The following PXDNL variants were observed in gnomAD, a reference collection of about 807,000 sequenced individuals.
The protein encoded by PXDNL is probable oxidoreductase PXDNL.
Under a neutral mutation model 150.8 loss-of-function variants are expected in PXDNL, and 145 were observed. The observed-to-expected ratio is 0.96, with a 90% CI of 0.84 to 1.10. The LOEUF is 1.10. Ranked by LOEUF, PXDNL falls within the 50% of genes least tolerant of loss-of-function variation. The pLI is 0.00. For synonymous variants in PXDNL, 757 were observed against 725.7 expected, an observed-to-expected ratio of 1.04 and a Z score of -0.69; for missense variants, 2,087 against 1,873.9, an observed-to-expected ratio of 1.11 and a Z score of -2.10.
At chr8:51,473,201 A>G (rs552380159) in intron 7 of PXDNL, among the ~76,000 whole-genome samples, 1 of 151,738 alleles carries the variant, frequency 6.6e-6, no homozygotes, top group Admixed American at 6.6e-5. Context: ...AGGACTAGTG[A>G]TGAAGCAGTG....
chr8:51,711,963 A>G (rs1359593127), intron 1 of PXDNL, among the ~76,000 whole-genome samples: 1 of 152,240 alleles, frequency 6.6e-6, no homozygotes, highest in African/African-American at 2.4e-5. Flanking sequence ...GCCAAAGAAG[A>G]AGTTTTACTC....
At position 51,688,885 on chromosome 8, in the gene PXDNL, C is replaced by T. The variant is rs117031406; in HGVS notation, c.165-34125G>A. ...GTGGATTAGATCTCCAGGAACAGCA[C>T]CATCTTTATCCTTGAGCAGAAATCC... On this transcript the variant is annotated intron_variant, in intron 1 of 22. Coordinates refer to ENST00000356297, the MANE Select transcript of PXDNL (RefSeq NM_144651.5). Among the ~76,000 whole-genome samples the T allele has an allele frequency of 3.0e-3, 459 of 152,366 alleles. 1 individual carries two copies. Among genetic ancestry groups the T allele is most frequent in the Admixed American group, 6.3e-3 (97 of 15,304 alleles).
chr8:51,461,555 A>C (rs1374086091), intron 8 of PXDNL, among the ~76,000 whole-genome samples: 1 of 152,226 alleles, frequency 6.6e-6, no homozygotes, highest in African/African-American at 2.4e-5. Flanking sequence ...TGCATAGCCA[A>C]AACAACTCCA....
chr8:51,319,906 G>A lies in PXDNL; in HGVS notation c.4377C>T (p.Ser1459=). 2 of 1,542,164 alleles carry A rather than the reference G, an allele frequency of 1.3e-6. No individual in the cohort carries two copies. Among genetic ancestry groups the A allele is most frequent in the Non-Finnish European group, 1.7e-6 (2 of 1,147,406 alleles). The change falls in exon 23 of 23, where the codon TCC becomes TCT. Residue 1459 remains serine (S), a synonymous_variant. Coordinates refer to ENST00000356297, the MANE Select transcript of PXDNL (RefSeq NM_144651.5). The part of the protein sequence containing the change: ...VCRDRGMPSD[S]PEKR ...AAAACTTTTATTAGCGCTTCTCTGG[G>A]GAATCACTTGGCATTCCTCGGTCTC... is the stretch of plus-strand genomic sequence containing the variant.
chr8:51,629,395 GA>G (rs1814440541), intron 2 of PXDNL, among the ~76,000 whole-genome samples: 2 of 151,438 alleles, frequency 1.3e-5, no homozygotes, highest in African/African-American at 4.9e-5. Context: ...AAAGAATGAA[GA>G]AAAATGAACA....
At chr8:51,636,352 G>T (rs1001816713) in intron 2 of PXDNL, among the ~76,000 whole-genome samples, 7 of 152,122 alleles carry the variant, frequency 4.6e-5, no homozygotes, top group Non-Finnish European at 7.4e-5. Flanking sequence ...AGCCAGAGCA[G>T]TTAGGCAATA....
At chr8:51,639,831 G>A (rs1038205791) in intron 2 of PXDNL, among the ~76,000 whole-genome samples, 12 of 152,034 alleles carry the variant, frequency 7.9e-5, no homozygotes, top group Admixed American at 2.0e-4. Context: ...GAAAAAGTGG[G>A]AATCCTCCCT....
At chr8:51,598,729 C>T (rs540950700) in intron 2 of PXDNL, among the ~76,000 whole-genome samples, 17 of 151,940 alleles carry the variant, frequency 1.1e-4, no homozygotes, top group Admixed American at 2.6e-4. Flanking sequence ...GCTAGATGTG[C>T]GTATCTAGGT....
chr8:51,465,284 C>A (rs1810179884), intron 8 of PXDNL, among the ~76,000 whole-genome samples: 1 of 151,906 alleles, frequency 6.6e-6, no homozygotes, highest in South Asian at 2.1e-4. Flanking sequence ...ACCACATAAA[C>A]AGAATTTTAA....
chr8:51,792,327 G>A (rs2037520752), intron 1 of PXDNL, among the ~76,000 whole-genome samples: 1 of 152,166 alleles, frequency 6.6e-6, no homozygotes, highest in Non-Finnish European at 1.5e-5. Context: ...AGCCACACAG[G>A]GCAAGGGGAG....
chr8:51,487,295 A>G (rs989387973), intron 5 of PXDNL, among the ~76,000 whole-genome samples: 2 of 152,070 alleles, frequency 1.3e-5, no homozygotes, highest in African/African-American at 2.4e-5. Flanking sequence ...ATGTTCTAAG[A>G]AAGTAAATCT....
At chr8:51,416,385 G>A (rs1005510837) in intron 14 of PXDNL, among the ~76,000 whole-genome samples, 10 of 152,174 alleles carry the variant, frequency 6.6e-5, no homozygotes, top group African/African-American at 2.4e-4. Flanking sequence ...TGATGTTTTT[G>A]CTTTTATTCT....
intron 8 of PXDNL, among the ~76,000 whole-genome samples, chr8:51,464,166 C>T (rs1810150827): frequency 6.6e-6 from 1 of 152,072 alleles, no homozygotes; most frequent in Non-Finnish European, 1.5e-5. Flanking sequence ...GAGTTTGAGA[C>T]CAGCCTAGGC....
In PXDNL at chr8:51,781,295, G is replaced by T. The variant is rs185314646; in HGVS notation, c.164+27886C>A. Among the ~76,000 whole-genome samples the T allele has an allele frequency of 2.1e-3, 325 of 152,236 alleles. 1 individual carries two copies. The highest frequency in any genetic ancestry group is 3.1e-3 in the Non-Finnish European group (211 of 68,012). On this transcript the variant is annotated intron_variant, in intron 1 of 22. Transcript: ENST00000356297. ...TTATTTCTCTGACTTTGTGTGCCTTGTGTAGATGCTTGGCGCACATGCATG... is the reference window on the plus strand; with the variant it reads ...TTATTTCTCTGACTTTGTGTGCCTTTTGTAGATGCTTGGCGCACATGCATG...
chr8:51,656,382 C>A (rs1815150167), intron 1 of PXDNL, among the ~76,000 whole-genome samples: 1 of 152,154 alleles, frequency 6.6e-6, no homozygotes, highest in African/African-American at 2.4e-5. Flanking sequence ...GCTTATACAC[C>A]ATCCATTGCT....
intron 2 of PXDNL, among the ~76,000 whole-genome samples, chr8:51,629,179 T>C (rs543232478): frequency 6.6e-6 from 1 of 151,778 alleles, no homozygotes; most frequent in Non-Finnish European, 1.5e-5. Context: ...ATAGAGAATA[T>C]CCATAGAGAA....
intron 3 of PXDNL, among the ~76,000 whole-genome samples, chr8:51,586,573 C>A (rs377225071): frequency 6.6e-6 from 1 of 152,152 alleles, no homozygotes; most frequent in African/African-American, 2.4e-5. Context: ...TTGTGTCCTT[C>A]AAGCTTACAC....
rs142184512 is a variant in PXDNL at position 51,744,396 on chromosome 8, G to A, written c.164+64785C>T. On this transcript the variant is annotated intron_variant, in intron 1 of 22. Coordinates refer to ENST00000356297, the MANE Select transcript of PXDNL (RefSeq NM_144651.5). Reference sequence around the variant, plus strand: ...GAAAAAAGAAAGGAAGGCTGGGCACGGTGGCTCACACCTGTAACCCCAACA... The same window carrying A: ...GAAAAAAGAAAGGAAGGCTGGGCACAGTGGCTCACACCTGTAACCCCAACA... Among the ~76,000 whole-genome samples, 412 of 151,270 alleles carry A rather than the reference G, an allele frequency of 2.7e-3. 3 individuals are homozygous for A. Among genetic ancestry groups the A allele is most frequent in the African/African-American group, 9.0e-3 (371 of 41,334 alleles).
chr8:51,750,343 G>A (rs1301207371), intron 1 of PXDNL, among the ~76,000 whole-genome samples: 1 of 152,170 alleles, frequency 6.6e-6, no homozygotes. Flanking sequence ...CACGCATGGA[G>A]CTGTCATCTC....
Sources: allele counts gnomAD v4.1 joint callset (sites outside exome capture counted in the v4.1 genomes callset), GRCh38; gene constraint gnomAD v4.1.1; transcripts MANE v1.5; gene names NCBI Gene and HGNC (gene_info 2026-07-23, HGNC 2026-07-21).